The following SLC26A4 variants were observed in gnomAD, a reference collection of about 807,000 sequenced individuals.
SLC26A4 encodes the protein pendrin.
A neutral mutation model predicts 90.4 loss-of-function variants in SLC26A4; 93 were observed. The ratio of observed to expected loss-of-function variants is 1.03; its 90% CI spans 0.87 to 1.22. The LOEUF is 1.22. Among genes scored for constraint, SLC26A4 ranks in the 50% most tolerant of loss-of-function variants. The probability of loss-of-function intolerance (pLI) is 0.00; values close to 1 mark genes in which losing one functional copy is unlikely to be tolerated. For synonymous variants in SLC26A4, 393 were observed against 354.6 expected (o/e 1.11, Z -1.22); for missense variants, 1,127 against 946.2 (o/e 1.19, Z -2.51).
chr7:107,670,112 A>ATTT (rs35349410), intron 3 of SLC26A4, among the ~76,000 whole-genome samples: 3 of 142,488 alleles, frequency 2.1e-5, no homozygotes, highest in Non-Finnish European at 4.6e-5. Flanking sequence ...ATACCTCCAG[A>ATTT]TTTTTTTTTT....
At position 107,661,443 on chromosome 7, in the gene SLC26A4, C is replaced by A. The variant is rs1790546263; in HGVS notation, c.-3-196C>A. 5.1e-5 allele frequency: 33 copies of A among 643,278 alleles called. No individual in the cohort carries two copies. The South Asian group carries it at 6.1e-4, about 12-fold the overall frequency. The allele number at this position is 643,278 out of a possible 1,614,324, so 39.8% of individuals were successfully genotyped here. On this transcript the variant is annotated intron_variant, in intron 1 of 20. Coordinates refer to ENST00000644269, the MANE Select transcript of SLC26A4 (RefSeq NM_000441.2). This position sits in a 1 kb window ranked among gnomAD's most constrained non-coding sequence, Gnocchi z 5.1. ...GAGACCCGAAGGTTCTCAGGTGCCCCCCTGCAGGCTGGCCGTGCGCGCCGT... is the reference window on the plus strand; with the variant it reads ...GAGACCCGAAGGTTCTCAGGTGCCCACCTGCAGGCTGGCCGTGCGCGCCGT...
intron 9 of SLC26A4, among the ~76,000 whole-genome samples, chr7:107,689,794 G>C (rs1255563906): frequency 2.0e-5 from 3 of 152,176 alleles, no homozygotes; most frequent in Non-Finnish European, 4.4e-5. Flanking sequence ...ATGCTTCATA[G>C]TGAATATTCA....
rs563321937 is a variant in SLC26A4, at chr7:107,705,267, A to T, written c.2089+882A>T. 5.3e-5 allele frequency among the ~76,000 whole-genome samples: 8 copies of T among 152,310 alleles called. No individual in the cohort carries two copies. The South Asian group carries it at 1.7e-3, about 32-fold the overall frequency. On this transcript the variant is annotated intron_variant, in intron 18 of 20. Coordinates refer to ENST00000644269, the MANE Select transcript of SLC26A4 (RefSeq NM_000441.2). ...TTTGGGTTTCTGGTCTCAGGAGGTC[A>T]TGTGTAGCTTATGGTGCCCTCCTCA...
rs757644446 is a variant in SLC26A4 at position 107,683,352 on chromosome 7, G to C, written c.916G>C (p.Val306Leu). The C allele has an allele frequency of 1.2e-6, 2 of 1,613,628 alleles. No homozygotes were observed. Among genetic ancestry groups the C allele is most frequent in the South Asian group, 2.2e-5 (2 of 91,080 alleles). ...AGTCCCTATTCCTATAGAAGTAATT[G>C]TGGTAAGTAGAATATGTAGTTAGAA... Reference protein sequence around the residue: ...IPVPIPIEVIVTIIATAISYG... With the variant: ...IPVPIPIEVILTIIATAISYG... Residue 306 changes from valine (V) to leucine (L), a missense_variant and splice_region_variant, in exon 7 of 21, where the codon GTG becomes CTG. Transcript: ENST00000644269.
chr7:107,690,320 A>C, intron 10 of SLC26A4, 83 bp downstream of exon 10: 1 of 869,750 alleles, frequency 1.1e-6, no homozygotes, highest in Non-Finnish European at 2.0e-6. Context: ...CGAGCTTAGC[A>C]GGACAATTTG....
Position 107,661,516 on chromosome 7 carries a change from C to T in SLC26A4, c.-3-123C>T, listed in dbSNP as rs993812077. 69 of 1,121,840 alleles carry T rather than the reference C, an allele frequency of 6.2e-5. No homozygotes were observed. The highest frequency in any genetic ancestry group is 8.7e-5 in the Non-Finnish European group (68 of 777,282). 69.5% of individuals were successfully genotyped at this position (1,121,840 alleles called of 1,614,324 possible). ...AGGGCTGCAGGACGCGGACCAGACTCGCGGTGCAGGGGGGCCTGGCTGCAG... is the reference window on the plus strand; with the variant it reads ...AGGGCTGCAGGACGCGGACCAGACTTGCGGTGCAGGGGGGCCTGGCTGCAG... On this transcript the variant is annotated intron_variant, in intron 1 of 20. Transcript: ENST00000644269. This position sits in a 1 kb window ranked among gnomAD's most constrained non-coding sequence, Gnocchi z 5.1.
intron 12 of SLC26A4, among the ~76,000 whole-genome samples, chr7:107,695,489 A>G (rs1791711527): frequency 1.3e-5 from 2 of 152,224 alleles, no homozygotes; most frequent in African/African-American, 4.8e-5. Flanking sequence ...TAAATATAAA[A>G]TGAATGAAGT....
At chr7:107,686,455 TTTCTTTCTTTCC>T (rs1480657661) in intron 8 of SLC26A4, among the ~76,000 whole-genome samples, 1 of 63,096 alleles carries the variant, frequency 1.6e-5, no homozygotes, top group Non-Finnish European at 3.4e-5. Context: ...CTTTCTTTCT[TTTCTTTCTTTCC>T]TTCTTTCTTT....
intron 6 of SLC26A4, among the ~76,000 whole-genome samples, chr7:107,678,237 T>G (rs1181838265): frequency 1.3e-5 from 2 of 152,224 alleles, no homozygotes; most frequent in Non-Finnish European, 2.9e-5. Flanking sequence ...GTTTATCTAC[T>G]CAATAAACAC....
intron 11 of SLC26A4, 32 bp downstream of exon 11, chr7:107,694,512 A>G (rs765992836): frequency 6.4e-7 from 1 of 1,574,216 alleles, no homozygotes; most frequent in Non-Finnish European, 8.7e-7. Flanking sequence ...TACCGATTGC[A>G]TAATTTCCCT....
At chr7:107,712,879 T>TA (rs1792230955) in intron 20 of SLC26A4, among the ~76,000 whole-genome samples, 1 of 152,168 alleles carries the variant, frequency 6.6e-6, no homozygotes, top group African/African-American at 2.4e-5. Context: ...CCTGATTTGA[T>TA]ACCTACACCT....
rs762565046 is a variant in SLC26A4 at position 107,661,623 on chromosome 7, G to C, written c.-3-16G>C. 1 of 1,551,706 alleles carries C rather than the reference G, an allele frequency of 6.4e-7. No individual in the cohort carries two copies. The highest frequency in any genetic ancestry group is 1.2e-5 in the South Asian group (1 of 84,880). ...TTACCGCGTGTCCTCCCTCCTCGCT[G>C]TCCTCTGGCTCGCAGGTCATGGCAG... is the stretch of plus-strand genomic sequence containing the variant. On this transcript the variant is annotated splice_polypyrimidine_tract_variant and intron_variant, in intron 1 of 20. Transcript: ENST00000644269. The surrounding 1 kb of genome is among the most constrained non-coding windows in gnomAD (Gnocchi z 5.1).
intron 10 of SLC26A4, among the ~76,000 whole-genome samples, chr7:107,690,690 C>G (rs960864981): frequency 1.3e-5 from 2 of 152,130 alleles, no homozygotes; most frequent in Admixed American, 6.5e-5. Context: ...TTTGGTCCCA[C>G]AGAACAACAG....
chr7:107,674,110 A>G (rs1790946067), intron 4 of SLC26A4, 54 bp from the exon 5 acceptor site: 1 of 1,514,188 alleles, frequency 6.6e-7, no homozygotes, highest in African/African-American at 1.4e-5. Context: ...ATGCAGACAC[A>G]TTGAACATTT....
At chr7:107,683,060 AC>A (rs1791289006) in intron 6 of SLC26A4, 141 bp from the exon 7 acceptor site, 1 of 660,754 alleles carries the variant, frequency 1.5e-6, no homozygotes, top group Non-Finnish European at 2.6e-6. Flanking sequence ...TTTTACTGAA[AC>A]TTTTGAGTGT....
chr7:107,688,802 GAT>G (rs1366916617), intron 8 of SLC26A4, among the ~76,000 whole-genome samples: 1 of 152,230 alleles, frequency 6.6e-6, no homozygotes, highest in African/African-American at 2.4e-5. Flanking sequence ...TCATGTGAGA[GAT>G]AGAGAAGAGT....
intron 6 of SLC26A4, among the ~76,000 whole-genome samples, chr7:107,681,719 C>T (rs2129313970): frequency 6.6e-6 from 1 of 152,014 alleles, no homozygotes; most frequent in East Asian, 1.9e-4. Context: ...TTGAAAACAC[C>T]CTTGATTCCC....
intron 8 of SLC26A4, among the ~76,000 whole-genome samples, chr7:107,684,603 C>G (rs1476828345): frequency 6.6e-6 from 1 of 152,230 alleles, no homozygotes; most frequent in Non-Finnish European, 1.5e-5. Context: ...GTTTCTCAAA[C>G]TTACCCTTTT....
intron 4 of SLC26A4, among the ~76,000 whole-genome samples, chr7:107,673,659 T>C (rs1017515154): frequency 6.6e-6 from 1 of 152,212 alleles, no homozygotes; most frequent in Non-Finnish European, 1.5e-5. Context: ...TGTTGTATTC[T>C]AATAACTACC....
Sources: allele counts gnomAD v4.1 joint callset (sites outside exome capture counted in the v4.1 genomes callset), GRCh38; gene constraint gnomAD v4.1.1; non-coding constraint Gnocchi (gnomAD v3.1); transcripts MANE v1.5; gene names NCBI Gene and HGNC (gene_info 2026-07-23, HGNC 2026-07-21).